Variants in SLC24A2 observed in about 807,000 individuals in gnomAD.
SLC24A2 encodes the protein solute carrier family 24 member 2.
Under a neutral mutation model 62.0 loss-of-function variants are expected in SLC24A2, and 36 were observed. That is an observed-to-expected ratio of 0.58 (90% CI 0.44 to 0.77). The LOEUF is 0.77. Among genes scored for constraint, SLC24A2 ranks in the 30% least tolerant of loss-of-function variants. The pLI, the probability that SLC24A2 is intolerant of heterozygous loss-of-function variation, is 0.00. For missense variants in SLC24A2, 846 were observed against 817.9 expected (o/e 1.03, Z -0.42); for synonymous variants, 358 against 294.0 (o/e 1.22, Z -2.23).
chr9:19,781,554 T>C (rs1264302260), intron 2 of SLC24A2, among the ~76,000 whole-genome samples: 1 of 152,162 alleles, frequency 6.6e-6, no homozygotes, highest in Non-Finnish European at 1.5e-5. Context: ...GTTCACTCTC[T>C]GAATCACAAG....
the SLC24A2 span, among the ~76,000 whole-genome samples, chr9:20,161,368 T>C: frequency 2.0e-5 from 3 of 151,380 alleles, no homozygotes; most frequent in Non-Finnish European, 3.0e-5. Context: ...TAATTAAAAA[T>C]TCTTTTTGAA....
the SLC24A2 span, among the ~76,000 whole-genome samples, chr9:19,814,143 T>C: frequency 6.6e-6 from 1 of 152,216 alleles, no homozygotes; most frequent in South Asian, 2.1e-4. Flanking sequence ...TTATTCATCA[T>C]ACCCACTGAT....
chr9:20,189,450 C>A, the SLC24A2 span, among the ~76,000 whole-genome samples: 1 of 152,162 alleles, frequency 6.6e-6, no homozygotes, highest in Admixed American at 6.5e-5. Flanking sequence ...TAAATCAATA[C>A]CTTCCCATAA....
chr9:20,011,488 G>T, the SLC24A2 span, among the ~76,000 whole-genome samples: 3,304 of 152,106 alleles, frequency 0.022, 130 homozygotes, highest in African/African-American at 0.075. Flanking sequence ...TCGAACACAG[G>T]ACACTTGAAA....
intron 8 of SLC24A2, among the ~76,000 whole-genome samples, chr9:19,546,296 C>G (rs574213952): frequency 1.3e-5 from 2 of 152,322 alleles, no homozygotes; most frequent in Admixed American, 1.3e-4. Context: ...CTACAACCGC[C>G]CCTTCCGCCA....
chr9:19,540,470 A>T (rs1834196281), intron 8 of SLC24A2, among the ~76,000 whole-genome samples: 1 of 151,174 alleles, frequency 6.6e-6, no homozygotes, highest in Non-Finnish European at 1.5e-5. Context: ...TATGAAGCTT[A>T]GTTTGCCTGG....
chr9:20,229,724 CT>C, the SLC24A2 span, among the ~76,000 whole-genome samples: 18 of 151,118 alleles, frequency 1.2e-4, no homozygotes, highest in African/African-American at 3.4e-4. Context: ...TTTTCTATTT[CT>C]TTTTTTTTAA....
intron 2 of SLC24A2, among the ~76,000 whole-genome samples, chr9:19,683,742 T>C (rs974545368): frequency 6.6e-6 from 1 of 152,102 alleles, no homozygotes; most frequent in Admixed American, 6.6e-5. Context: ...TGAAATTTTA[T>C]ATAGCTAGAA....
At chr9:19,516,458 C>G (rs1167067899) in intron 10 of SLC24A2, 56 bp from the exon 11 acceptor site, 2 of 1,597,684 alleles carry the variant, frequency 1.3e-6, no homozygotes, top group African/African-American at 2.7e-5. Context: ...AGTAGTCAGA[C>G]ACGTTGAAGA....
At chr9:20,164,558 T>G in the SLC24A2 span, among the ~76,000 whole-genome samples, 3 of 150,648 alleles carry the variant, frequency 2.0e-5, no homozygotes, top group East Asian at 4.0e-4. Flanking sequence ...AGTTCAACCA[T>G]TGTGGAAGTC....
At chr9:20,134,354 TA>T in the SLC24A2 span, among the ~76,000 whole-genome samples, 1 of 152,040 alleles carries the variant, frequency 6.6e-6, no homozygotes, top group Non-Finnish European at 1.5e-5. Flanking sequence ...GGGTTTCCCT[TA>T]AAAAACAAAA....
intron 2 of SLC24A2, among the ~76,000 whole-genome samples, chr9:19,781,063 C>G (rs1823004085): frequency 6.6e-6 from 1 of 152,012 alleles, no homozygotes; most frequent in African/African-American, 2.4e-5. Context: ...TAAATATAAA[C>G]AAAGTAAACT....
rs576749222 is a variant in SLC24A2, at chr9:19,720,354, C to T, written c.930+65583G>A. Among the ~76,000 whole-genome samples the T allele has an allele frequency of 2.0e-5, 3 of 152,302 alleles. No homozygotes were observed. In the East Asian group the frequency reaches 5.8e-4, roughly 29 times the overall value. On this transcript the variant is annotated intron_variant, in intron 2 of 10. Transcript: ENST00000341998. ...CTGATCTGGGGCTTTGGGGACATCACTTTGACTTATTCTTAGAATCTACAA... is the reference window on the plus strand; with the variant it reads ...CTGATCTGGGGCTTTGGGGACATCATTTTGACTTATTCTTAGAATCTACAA...
chr9:19,987,671 A>G, the SLC24A2 span, among the ~76,000 whole-genome samples: 1 of 152,148 alleles, frequency 6.6e-6, no homozygotes, highest in Non-Finnish European at 1.5e-5. Context: ...GAACAGGTAT[A>G]TTGGTATCTT....
the SLC24A2 span, among the ~76,000 whole-genome samples, chr9:20,104,340 T>G: frequency 1.3e-5 from 2 of 152,090 alleles, no homozygotes; most frequent in Non-Finnish European, 2.9e-5. Context: ...ATTCAGGAAA[T>G]ACAGAGAACG....
intron 5 of SLC24A2, among the ~76,000 whole-genome samples, chr9:19,592,425 G>A (rs1836579657): frequency 6.6e-6 from 1 of 152,104 alleles, no homozygotes; most frequent in African/African-American, 2.4e-5. Context: ...AATGGAGACA[G>A]CTTTCCCCAC....
At chr9:20,214,420 G>A in the SLC24A2 span, among the ~76,000 whole-genome samples, 21 of 152,136 alleles carry the variant, frequency 1.4e-4, no homozygotes, top group African/African-American at 4.8e-4. Flanking sequence ...AGACCATCCT[G>A]GCTAACACAG....
chr9:20,221,357 C>G, the SLC24A2 span, among the ~76,000 whole-genome samples: 8 of 151,648 alleles, frequency 5.3e-5, no homozygotes, highest in African/African-American at 1.9e-4. Context: ...TAAGTTAGAA[C>G]CAACAGAAAT....
chr9:20,153,747 C>G, the SLC24A2 span, among the ~76,000 whole-genome samples: 2 of 150,786 alleles, frequency 1.3e-5, no homozygotes, highest in African/African-American at 5.0e-5. Flanking sequence ...CCTACTGAAA[C>G]CTATGCAGAA....
Sources: gnomAD v4.1 joint callset for allele counts (sites outside exome capture counted in the v4.1 genomes callset) on GRCh38, gnomAD v4.1.1 for gene constraint, MANE v1.5 for transcripts, NCBI Gene and HGNC (gene_info 2026-07-23, HGNC 2026-07-21) for gene names.